Variants in CENPP observed in about 807,000 individuals in gnomAD.
The protein encoded by CENPP is centromere protein P.
A neutral mutation model predicts 35.6 loss-of-function variants in CENPP; 24 were observed. The ratio of observed to expected loss-of-function variants is 0.67; its 90% CI spans 0.49 to 0.95. The LOEUF (loss-of-function observed/expected upper bound fraction) is 0.95. Among genes scored for constraint, CENPP ranks in the 40% least tolerant of loss-of-function variants. The pLI is 0.00. For missense variants in CENPP, 332 were observed against 345.3 expected (o/e 0.96, Z 0.31); for synonymous variants, 120 against 125.5 (o/e 0.96, Z 0.29).
chr9:92,440,382 TA>T (rs1043533204), intron 5 of CENPP, among the ~76,000 whole-genome samples: 4 of 151,626 alleles, frequency 2.6e-5, no homozygotes, highest in Non-Finnish European at 5.9e-5. Context: ...AATAAATAAA[TA>T]AATCACAAGA....
intron 5 of CENPP, among the ~76,000 whole-genome samples, chr9:92,609,080 C>A (rs1002414095): frequency 3.9e-4 from 59 of 152,384 alleles, no homozygotes; most frequent in African/African-American, 1.3e-3. Context: ...TTTGGAAGAG[C>A]CTGCGGCTTA....
chr9:92,522,507 TTC>T (rs1044251374), intron 5 of CENPP: 90 of 1,413,788 alleles, frequency 6.4e-5, no homozygotes, highest in Non-Finnish European at 8.2e-5. Context: ...CCCTCTCTCC[TTC>T]TCTTTCCCCA....
At chr9:92,352,505 G>GTATATATATATATATATATATA (rs1554753078) in intron 4 of CENPP, among the ~76,000 whole-genome samples, 11 of 49,752 alleles carry the variant, frequency 2.2e-4, no homozygotes, top group African/African-American at 7.2e-4. Flanking sequence ...GTGTGTGTGT[G>GTATATATATATATATATATATA]TATACATATA....
At chr9:92,551,406 T>C (rs1849584185) in intron 5 of CENPP, among the ~76,000 whole-genome samples, 1 of 152,168 alleles carries the variant, frequency 6.6e-6, no homozygotes, top group Non-Finnish European at 1.5e-5. Flanking sequence ...GGCACAACCA[T>C]GGCTTACTGT....
intron 4 of CENPP, among the ~76,000 whole-genome samples, chr9:92,374,973 G>A (rs1412034832): frequency 1.3e-5 from 2 of 152,154 alleles, no homozygotes; most frequent in East Asian, 3.8e-4. Flanking sequence ...ATCAGTCTCA[G>A]GATTCTCTCT....
chr9:92,567,409 A>C (rs1227123193), intron 5 of CENPP, among the ~76,000 whole-genome samples: 1 of 92,296 alleles, frequency 1.1e-5, no homozygotes, highest in Non-Finnish European at 2.3e-5. Flanking sequence ...TATATATATA[A>C]AGTGGTTAGT....
At chr9:92,475,874 T>C (rs1424041719) in intron 5 of CENPP, among the ~76,000 whole-genome samples, 1 of 152,222 alleles carries the variant, frequency 6.6e-6, no homozygotes, top group Non-Finnish European at 1.5e-5. Flanking sequence ...TTGTTTTCAG[T>C]TGCATTTTTA....
intron 4 of CENPP, among the ~76,000 whole-genome samples, chr9:92,376,626 G>A (rs868133105): frequency 1.7e-4 from 26 of 152,286 alleles, no homozygotes; most frequent in South Asian, 6.2e-4. Context: ...CAGGTGTACC[G>A]CTTGCATAGG....
intron 5 of CENPP, among the ~76,000 whole-genome samples, chr9:92,395,392 A>G (rs2025389): frequency 0.42 from 63,303 of 152,010 alleles, 15,793 homozygotes; most frequent in East Asian, 0.8. Context: ...GTAGTATTCA[A>G]TTGTCTCAAT....
intron 4 of CENPP, among the ~76,000 whole-genome samples, chr9:92,355,367 G>A (rs778776683): frequency 6.6e-6 from 1 of 151,646 alleles, no homozygotes; most frequent in Non-Finnish European, 1.5e-5. Flanking sequence ...CTACTTGCAT[G>A]TCTGTTTTTT....
chr9:92,340,291 G>C (rs1841071158), intron 3 of CENPP: 1 of 152,206 alleles, frequency 6.6e-6, no homozygotes. Flanking sequence ...TCTTAGTGGA[G>C]TTATACCTTC....
chr9:92,477,284 C>T (rs1845745768), intron 5 of CENPP, among the ~76,000 whole-genome samples: 1 of 152,174 alleles, frequency 6.6e-6, no homozygotes, highest in African/African-American at 2.4e-5. Flanking sequence ...GGCACATTGT[C>T]TCTGTGCCTT....
At chr9:92,564,129 G>A (rs111292851) in intron 5 of CENPP, among the ~76,000 whole-genome samples, 5,786 of 152,248 alleles carry the variant, frequency 0.038, 152 homozygotes, top group Middle Eastern at 0.075. Context: ...GCTCACTCCT[G>A]TAATCCCAGC....
At chr9:92,389,706 A>C (rs1307435810) in intron 5 of CENPP, 1 of 584,834 alleles carries the variant, frequency 1.7e-6, no homozygotes, top group Non-Finnish European at 3.0e-6. Context: ...GCCTAATAGG[A>C]TGGTTATTTA....
rs564655935 is a variant in CENPP at position 92,511,282 on chromosome 9, C to G, written c.565-100032C>G. 9.2e-5 allele frequency among the ~76,000 whole-genome samples: 14 copies of G among 152,142 alleles called. No homozygotes were observed. The Middle Eastern group carries it at 0.014, about 148-fold the overall frequency. On this transcript the variant is annotated intron_variant, in intron 5 of 7. Transcript: ENST00000375587. ...CTGGGACTACAGGTGCATGCCACCA[C>G]GCTCGGCTAATTTTTTGTATTTTTA...
intron 4 of CENPP, among the ~76,000 whole-genome samples, chr9:92,367,395 G>T (rs1841913171): frequency 6.6e-6 from 1 of 152,000 alleles, no homozygotes; most frequent in Admixed American, 6.6e-5. Context: ...TCGAACTCTT[G>T]GTCTTAGGTG....
At chr9:92,503,903 G>C (rs1193509005) in intron 5 of CENPP, among the ~76,000 whole-genome samples, 1 of 152,186 alleles carries the variant, frequency 6.6e-6, no homozygotes, top group African/African-American at 2.4e-5. Flanking sequence ...CAGCCTTGAG[G>C]CTGCATGGTT....
At chr9:92,512,856 T>C (rs1312860545) in intron 5 of CENPP, among the ~76,000 whole-genome samples, 1 of 152,136 alleles carries the variant, frequency 6.6e-6, no homozygotes, top group African/African-American at 2.4e-5. Context: ...CTTTAGACTT[T>C]CACAAATGGG....
chr9:92,544,031 C>T lies in CENPP; in HGVS notation c.565-67283C>T, dbSNP rs540104652. Among the ~76,000 whole-genome samples, 46 of 152,180 alleles carry T rather than the reference C, an allele frequency of 3.0e-4. No individual in the cohort carries two copies. The East Asian group carries it at 8.3e-3, about 27-fold the overall frequency. On this transcript the variant is annotated intron_variant, in intron 5 of 7. Transcript: ENST00000375587. ...CATTTTAGATATTTTTTATTTCTTT[C>T]TCTTATCTAATTGCTCTGGCTAGGA...
Sources: gnomAD v4.1 joint callset for allele counts (sites outside exome capture counted in the v4.1 genomes callset) on GRCh38, gnomAD v4.1.1 for gene constraint, MANE v1.5 for transcripts, NCBI Gene and HGNC (gene_info 2026-07-23, HGNC 2026-07-21) for gene names.